Variants in PDGFD observed in about 807,000 individuals in gnomAD.
PDGFD encodes platelet-derived growth factor D.
PDGFD carries 30 observed loss-of-function variants against 44.7 expected under a neutral mutation model. That is an observed-to-expected ratio of 0.67 (90% confidence interval 0.50 to 0.91). PDGFD has a LOEUF of 0.91. PDGFD is among the 40% of genes least tolerant of loss of function. The pLI, the probability that PDGFD is intolerant of heterozygous loss-of-function variation, is 0.00. For missense variants in PDGFD, 445 were observed against 457.8 expected (o/e 0.97, Z 0.25); for synonymous variants, 173 against 168.4 (o/e 1.03, Z -0.21).
intron 6 of PDGFD, among the ~76,000 whole-genome samples, chr11:103,920,310 C>T (rs965550558): frequency 6.6e-6 from 1 of 152,220 alleles, no homozygotes; most frequent in African/African-American, 2.4e-5. Flanking sequence ...TACTCAGTTG[C>T]AGTTTTAACT....
chr11:104,110,683 T>C (rs1233658507), intron 1 of PDGFD, among the ~76,000 whole-genome samples: 1 of 152,138 alleles, frequency 6.6e-6, no homozygotes, highest in Non-Finnish European at 1.5e-5. Context: ...CTGTGTCTTT[T>C]CTCCAATCCC....
chr11:104,159,051 G>A (rs970393317), intron 1 of PDGFD, among the ~76,000 whole-genome samples: 4 of 151,206 alleles, frequency 2.6e-5, no homozygotes, highest in African/African-American at 4.9e-5. Context: ...TACTCGGGAG[G>A]CTGAGGCAGG....
intron 1 of PDGFD, among the ~76,000 whole-genome samples, chr11:104,075,703 C>T (rs751610491): frequency 2.0e-4 from 30 of 152,104 alleles, no homozygotes; most frequent in Admixed American, 3.9e-4. Flanking sequence ...TCCTAGTTAT[C>T]TGCAACCTGT....
intron 3 of PDGFD, among the ~76,000 whole-genome samples, chr11:103,952,181 G>C (rs1373264562): frequency 6.6e-6 from 1 of 152,146 alleles, no homozygotes; most frequent in Non-Finnish European, 1.5e-5. Flanking sequence ...ACTCCTTTTT[G>C]TGGGTGCTCT....
chr11:103,959,144 T>C (rs1025124082), intron 3 of PDGFD, among the ~76,000 whole-genome samples: 8 of 152,190 alleles, frequency 5.3e-5, no homozygotes, highest in Non-Finnish European at 1.2e-4. Flanking sequence ...TTTAAAAATA[T>C]GGGTATTTCC....
intron 1 of PDGFD, among the ~76,000 whole-genome samples, chr11:104,024,358 G>A (rs1024734910): frequency 1.3e-5 from 2 of 152,110 alleles, no homozygotes; most frequent in African/African-American, 2.4e-5. Flanking sequence ...CAGAGTACAT[G>A]AATTTTCTTC....
chr11:104,064,538 G>A (rs1449154618), intron 1 of PDGFD, among the ~76,000 whole-genome samples: 1 of 152,072 alleles, frequency 6.6e-6, no homozygotes, highest in African/African-American at 2.4e-5. Flanking sequence ...TTCATAACTG[G>A]GGTTTCATTT....
At chr11:104,033,899 G>T (rs1022038835) in intron 1 of PDGFD, among the ~76,000 whole-genome samples, 1 of 152,142 alleles carries the variant, frequency 6.6e-6, no homozygotes, top group African/African-American at 2.4e-5. Flanking sequence ...TAATATTATT[G>T]AGTCAAAGGG....
chr11:103,958,049 A>G (rs1591094601), intron 3 of PDGFD, among the ~76,000 whole-genome samples: 1 of 152,212 alleles, frequency 6.6e-6, no homozygotes, highest in East Asian at 1.9e-4. Context: ...GTTGTTTAGC[A>G]TTAAAAAAAA....
intron 1 of PDGFD, among the ~76,000 whole-genome samples, chr11:104,158,495 C>G (rs1017498582): frequency 2.6e-5 from 4 of 152,224 alleles, no homozygotes; most frequent in Admixed American, 2.6e-4. Flanking sequence ...GCCAGATGCT[C>G]AGTTACTTAG....
chr11:104,067,697 A>G (rs1241657529), intron 1 of PDGFD, among the ~76,000 whole-genome samples: 1 of 152,122 alleles, frequency 6.6e-6, no homozygotes, highest in Non-Finnish European at 1.5e-5. Flanking sequence ...AAATTTAAAG[A>G]TATTTGGGAA....
intron 3 of PDGFD, among the ~76,000 whole-genome samples, chr11:103,960,712 A>AGG (rs1858922045): frequency 6.6e-6 from 1 of 152,166 alleles, no homozygotes; most frequent in South Asian, 2.1e-4. Flanking sequence ...AGCTAGAACA[A>AGG]ATTCCCATAG....
chr11:104,135,410 T>A (rs913257011), intron 1 of PDGFD, among the ~76,000 whole-genome samples: 2 of 152,054 alleles, frequency 1.3e-5, no homozygotes, highest in Non-Finnish European at 2.9e-5. Flanking sequence ...GAGAAGAGAG[T>A]AGTCCAAAAT....
intron 3 of PDGFD, among the ~76,000 whole-genome samples, chr11:103,988,016 A>G (rs1325997154): frequency 6.6e-6 from 1 of 152,142 alleles, no homozygotes; most frequent in Non-Finnish European, 1.5e-5. Flanking sequence ...CTTCAGACAT[A>G]TTTGTTGAAT....
chr11:104,105,371 G>A lies in PDGFD; in HGVS notation c.124+58433C>T, dbSNP rs529193087. On this transcript the variant is annotated intron_variant, in intron 1 of 6. Coordinates refer to ENST00000393158, the MANE Select transcript of PDGFD (RefSeq NM_025208.5). ...TCAAATTACATGAACTAACCAAGTC[G>A]CAGGCACAAATAAAATGCCTGCTAG... Among the ~76,000 whole-genome samples the A allele has an allele frequency of 1.1e-4, 17 of 152,116 alleles. No homozygotes were observed. The South Asian group carries it at 2.3e-3, about 20-fold the overall frequency.
At chr11:103,947,516 C>T (rs1858683431) in intron 4 of PDGFD, 146 bp downstream of exon 4, 1 of 655,742 alleles carries the variant, frequency 1.5e-6, no homozygotes, top group East Asian at 2.8e-5. Context: ...TCCATTGTAA[C>T]CTGAATGAAA....
At chr11:103,934,635 C>T (rs749029277) in intron 5 of PDGFD, among the ~76,000 whole-genome samples, 22 of 152,252 alleles carry the variant, frequency 1.4e-4, no homozygotes, top group Admixed American at 3.9e-4. Context: ...AGCAAAGGCA[C>T]GTCTTACATG....
chr11:104,104,797 T>G (rs1362571807), intron 1 of PDGFD, among the ~76,000 whole-genome samples: 1 of 152,122 alleles, frequency 6.6e-6, no homozygotes, highest in Non-Finnish European at 1.5e-5. Flanking sequence ...CTGAAGAAGA[T>G]TCTAAGTCTC....
chr11:104,033,862 C>T (rs1860170455), intron 1 of PDGFD, among the ~76,000 whole-genome samples: 1 of 152,150 alleles, frequency 6.6e-6, no homozygotes, highest in African/African-American at 2.4e-5. Context: ...CTCTGATAAA[C>T]TTGTCAGGGT....
Sources: gnomAD v4.1 joint callset for allele counts (sites outside exome capture counted in the v4.1 genomes callset) on GRCh38, gnomAD v4.1.1 for gene constraint, MANE v1.5 for transcripts, NCBI Gene and HGNC (gene_info 2026-07-23, HGNC 2026-07-21) for gene names.